DLC1: variants seen among roughly 807,000 people sequenced by gnomAD.
DLC1 encodes the protein rho GTPase-activating protein 7.
Under a neutral mutation model 140.3 loss-of-function variants are expected in DLC1, and 54 were observed. The ratio of observed to expected loss-of-function variants is 0.38; its 90% CI spans 0.31 to 0.48. The LOEUF (loss-of-function observed/expected upper bound fraction) is 0.48, where lower values mean the gene tolerates loss of function less well. DLC1 is among the 20% of genes least tolerant of loss of function. The pLI, the probability that DLC1 is intolerant of heterozygous loss-of-function variation, is 0.96. For synonymous variants in DLC1, 986 were observed against 728.1 expected, an observed-to-expected ratio of 1.35 and a Z score of -5.70; for missense variants, 2,536 against 1,907.0, an observed-to-expected ratio of 1.33 and a Z score of -6.14.
intron 1 of DLC1, among the ~76,000 whole-genome samples, chr8:13,572,647 A>T (rs1041269381): frequency 2.0e-5 from 3 of 151,988 alleles, no homozygotes; most frequent in African/African-American, 4.8e-5. Flanking sequence ...ATCCATTTTG[A>T]GTTAGTCTTT....
Position 13,099,845 on chromosome 8 carries a change from C to T in DLC1, c.2492G>A (p.Gly831Glu). 2 of 1,614,190 alleles carry T rather than the reference C, an allele frequency of 1.2e-6. No individual in the cohort carries two copies. Among genetic ancestry groups the T allele is most frequent in the South Asian group, 1.1e-5 (1 of 91,086 alleles). ...CCTCCAGTTCACAGAGCCGTTATTC[C>T]CCGAGGGGGAGAAACTGCCATTGGT... Reference protein sequence around the residue: ...ALTNGSFSPSGNNGSVNWRTG... With the variant: ...ALTNGSFSPSENNGSVNWRTG... Residue 831 changes from glycine to glutamate, a missense_variant, in exon 9 of 18, where the codon GGG becomes GAG. By Grantham distance (98) the Gly-to-Glu change is moderately conservative. Coordinates refer to ENST00000276297, the MANE Select transcript of DLC1 (RefSeq NM_182643.3).
intron 1 of DLC1, among the ~76,000 whole-genome samples, chr8:13,560,630 C>T (rs374484989): frequency 5.9e-5 from 9 of 152,188 alleles, no homozygotes; most frequent in African/African-American, 1.2e-4. Context: ...CCTCCTCCCC[C>T]ACCATTCTTA....
upstream of DLC1, among the ~76,000 whole-genome samples, chr8:13,518,822 C>T (rs975124828): frequency 4.6e-5 from 7 of 152,012 alleles, no homozygotes; most frequent in East Asian, 1.9e-4. Context: ...AACACTTTGT[C>T]CATGAAAATT....
At chr8:13,492,701 G>A (rs1801314865) in intron 2 of DLC1, among the ~76,000 whole-genome samples, 2 of 151,950 alleles carry the variant, frequency 1.3e-5, no homozygotes, top group African/African-American at 4.8e-5. Flanking sequence ...ATAGCACCTG[G>A]GATATTGAAA....
chr8:13,419,242 T>C (rs371543443), intron 2 of DLC1, among the ~76,000 whole-genome samples: 3,901 of 151,850 alleles, frequency 0.026, 79 homozygotes, highest in South Asian at 0.072. Flanking sequence ...CCAGAACTTC[T>C]AACACTATGT....
Position 13,099,750 on chromosome 8 carries a change from G to T in DLC1, c.2587C>A (p.Leu863Met). 6.2e-7 allele frequency: 1 copy of T among 1,614,176 alleles called. No individual in the cohort carries two copies. Among genetic ancestry groups the T allele is most frequent in the Non-Finnish European group, 8.5e-7 (1 of 1,180,034 alleles). The part of the protein sequence containing the change: ...RENSSDSPKE[L>M]KRRNSSSSMS... ...GAGCTGGAAGAATTGCGTCTCTTCA[G>T]TTCCTTGGGGCTGTCGCTACTGTTT... is the stretch of plus-strand genomic sequence containing the variant. The change falls in exon 9 of 18, where the codon CTG becomes ATG. Residue 863 changes from leucine (L) to methionine (M), a missense_variant. Physicochemically the swap from Leu to Met is conservative, Grantham distance 15 (BLOSUM62 2). Coordinates refer to ENST00000276297, the MANE Select transcript of DLC1 (RefSeq NM_182643.3).
At chr8:13,121,137 A>G (rs1821023132) in intron 5 of DLC1, among the ~76,000 whole-genome samples, 1 of 152,188 alleles carries the variant, frequency 6.6e-6, no homozygotes, top group African/African-American at 2.4e-5. Flanking sequence ...AAGAAAATTC[A>G]AGCACTTTGC....
chr8:13,093,123 G>GAA (rs1818222077), intron 12 of DLC1, among the ~76,000 whole-genome samples: 1 of 146,242 alleles, frequency 6.8e-6, no homozygotes, highest in African/African-American at 2.5e-5. Context: ...TTAGTTTACA[G>GAA]AACAGTTTTT....
chr8:13,217,847 A>G (rs1260987035), intron 5 of DLC1, among the ~76,000 whole-genome samples: 1 of 150,728 alleles, frequency 6.6e-6, no homozygotes, highest in Non-Finnish European at 1.5e-5. Context: ...CAAAAAAAAA[A>G]CAACAACAAA....
At chr8:13,297,335 T>C (rs1430437237) in intron 5 of DLC1, among the ~76,000 whole-genome samples, 2 of 99,274 alleles carry the variant, frequency 2.0e-5, no homozygotes, top group African/African-American at 7.5e-5. Flanking sequence ...GTAAAAATAA[T>C]GAAATTCACT....
intron 4 of DLC1, among the ~76,000 whole-genome samples, chr8:13,382,458 A>C (rs902311126): frequency 3.1e-5 from 4 of 129,648 alleles, no homozygotes; most frequent in African/African-American, 8.6e-5. Context: ...CAGTGAGCCG[A>C]GATTGCGCCA....
rs58611886 is a variant in DLC1 at position 13,420,824 on chromosome 8, A to G, written c.1024-19205T>C. ...TTGACCTTTATAGTGGCTCCATATAATAAATGGAGTGGCAAATACAGACTA... is the reference window on the plus strand; with the variant it reads ...TTGACCTTTATAGTGGCTCCATATAGTAAATGGAGTGGCAAATACAGACTA... On this transcript the variant is annotated intron_variant, in intron 2 of 17. Transcript: ENST00000276297. Among the ~76,000 whole-genome samples, 289 of 152,270 alleles carry G rather than the reference A, an allele frequency of 1.9e-3. 2 individuals are homozygous for G. The highest frequency in any genetic ancestry group is 6.5e-3 in the African/African-American group (271 of 41,550).
chr8:13,377,788 A>G (rs972313211), intron 4 of DLC1, among the ~76,000 whole-genome samples: 2 of 152,090 alleles, frequency 1.3e-5, no homozygotes, highest in Non-Finnish European at 2.9e-5. Context: ...CAAATCTTGA[A>G]TAGGTGGCGC....
At chr8:13,381,190 G>A (rs948733969) in intron 4 of DLC1, among the ~76,000 whole-genome samples, 1 of 152,146 alleles carries the variant, frequency 6.6e-6, no homozygotes. Flanking sequence ...CAGTGCTTGT[G>A]TTTCTCACAG....
intron 2 of DLC1, among the ~76,000 whole-genome samples, chr8:13,476,035 A>G (rs888764663): frequency 2.0e-5 from 3 of 152,188 alleles, no homozygotes; most frequent in African/African-American, 7.2e-5. Flanking sequence ...GGCATAGGAG[A>G]AGTAAGTAGG....
At position 13,083,988 on chromosome 8, in the gene DLC1, T is replaced by C. The variant is rs1817352810; in HGVS notation, c.*1823A>G. The C allele has an allele frequency of 6.6e-6, 1 of 152,578 alleles. No homozygotes were observed. Among genetic ancestry groups the C allele is most frequent in the South Asian group, 2.1e-4 (1 of 4,832 alleles). 9.5% of individuals were successfully genotyped at this position (152,578 alleles called of 1,614,324 possible). A position where few individuals can be genotyped will look rare whatever the true frequency, so the allele number is the denominator to read the frequency against. On this transcript the variant is annotated 3_prime_UTR_variant, in exon 18 of 18. Transcript: ENST00000276297. ...ATCTGTACAGATATAGAGCAAGTTATAAACCTCTTCCTTTTATTTATTTTC... is the reference window on the plus strand; with the variant it reads ...ATCTGTACAGATATAGAGCAAGTTACAAACCTCTTCCTTTTATTTATTTTC...
intron 1 of DLC1, among the ~76,000 whole-genome samples, chr8:13,547,876 G>A (rs1309532174): frequency 1.6e-5 from 2 of 122,968 alleles, no homozygotes; most frequent in Non-Finnish European, 3.4e-5. Context: ...CATTTCACGC[G>A]TTTCCTTTCT....
intron 5 of DLC1, among the ~76,000 whole-genome samples, chr8:13,291,126 C>T (rs1482700738): frequency 6.6e-6 from 1 of 152,172 alleles, no homozygotes; most frequent in Non-Finnish European, 1.5e-5. Flanking sequence ...CCAGGCTGGT[C>T]TTGAACTCCT....
At chr8:13,337,182 C>T (rs1833842721) in intron 4 of DLC1, among the ~76,000 whole-genome samples, 1 of 152,080 alleles carries the variant, frequency 6.6e-6, no homozygotes, top group Admixed American at 6.6e-5. Context: ...AAATCTTGAT[C>T]ATGCAGCACA....
Sources: allele counts gnomAD v4.1 joint callset (sites outside exome capture counted in the v4.1 genomes callset), GRCh38; gene constraint gnomAD v4.1.1; transcripts MANE v1.5; gene names NCBI Gene and HGNC (gene_info 2026-07-23, HGNC 2026-07-21).